DPH6: variants seen among roughly 807,000 people sequenced by gnomAD.
DPH6 encodes diphthine--ammonia ligase.
In DPH6, 33 loss-of-function variants were observed where a neutral mutation model predicts 38.2. The ratio of observed to expected loss-of-function variants is 0.86; its 90% CI spans 0.65 to 1.15. The LOEUF (loss-of-function observed/expected upper bound fraction) is 1.15. DPH6 is among the 50% of genes most tolerant of loss of function. DPH6 has a pLI of 0.00. For missense variants in DPH6, 325 were observed against 320.0 expected, an observed-to-expected ratio of 1.02 and a Z score of -0.12; for synonymous variants, 108 against 103.0, an observed-to-expected ratio of 1.05 and a Z score of -0.30.
chr15:35,542,965 T>TATATATAAATATATATATATAA, intron 1 of DPH6, among the ~76,000 whole-genome samples: 2 of 76,170 alleles, frequency 2.6e-5, no homozygotes, highest in South Asian at 1.2e-3. Context: ...TATATATATA[T>TATATATAAATATATATATATAA]AAAATAATTT....
intron 3 of DPH6, among the ~76,000 whole-genome samples, chr15:35,305,515 G>C (rs948521545): frequency 6.6e-6 from 1 of 151,934 alleles, no homozygotes; most frequent in Non-Finnish European, 1.5e-5. Context: ...AATTTAGGAA[G>C]TTCATAATTG....
chr15:35,152,687 C>T, the DPH6 span, among the ~76,000 whole-genome samples: 23 of 152,132 alleles, frequency 1.5e-4, no homozygotes, highest in East Asian at 9.7e-4. Flanking sequence ...TTAGTAGAGA[C>T]GAGGTTTCAC....
At chr15:35,318,729 A>G (rs1425602096) in intron 3 of DPH6, among the ~76,000 whole-genome samples, 1 of 152,180 alleles carries the variant, frequency 6.6e-6, no homozygotes, top group East Asian at 1.9e-4. Flanking sequence ...CTTCTACTGC[A>G]GAAACTGATC....
Position 35,298,147 on chromosome 15 carries a change from G to T in DPH6, n.200+75374C>A, listed in dbSNP as rs142551819. 1,013 of 387,382 alleles carry T rather than the reference G, an allele frequency of 2.6e-3. 11 individuals carry two copies. Among genetic ancestry groups the T allele is most frequent in the African/African-American group, 0.02 (951 of 47,562 alleles). 24.0% of individuals were successfully genotyped at this position (387,382 alleles called of 1,614,324 possible). Reference sequence around the variant, plus strand: ...CTTACAAGTCCCTCCAAGAGTCTCAGTATGCAACAGTCATGGAGGCTGTGA... The same window carrying T: ...CTTACAAGTCCCTCCAAGAGTCTCATTATGCAACAGTCATGGAGGCTGTGA... On this transcript the variant is annotated intron_variant and non_coding_transcript_variant, in intron 3 of 3. Coordinates refer to the DPH6 transcript ENST00000560386.
At chr15:35,271,240 G>A (rs554730061) in intron 3 of DPH6, among the ~76,000 whole-genome samples, 16 of 150,810 alleles carry the variant, frequency 1.1e-4, no homozygotes, top group Non-Finnish European at 2.4e-4. Context: ...AAAGGTCAAT[G>A]GAGTTAAACA....
chr15:35,265,970 T>C (rs915086719), intron 3 of DPH6, among the ~76,000 whole-genome samples: 1 of 152,196 alleles, frequency 6.6e-6, no homozygotes, highest in African/African-American at 2.4e-5. Context: ...TAGTTTTAAC[T>C]GGTTGAATCT....
rs2055227423 is a variant in DPH6 at position 35,539,928 on chromosome 15, G to A, written c.119-1461C>T. Among the ~76,000 whole-genome samples, 4 of 151,926 alleles carry A rather than the reference G, an allele frequency of 2.6e-5. No homozygotes were observed. The South Asian group carries it at 8.3e-4, about 31-fold the overall frequency. ...TGTTACTATAAATGTTTCCACTCCT[G>A]GTCCCAGTAGGAAGTAGAGAACATA... On this transcript the variant is annotated intron_variant, in intron 2 of 8. Coordinates refer to ENST00000256538, the MANE Select transcript of DPH6 (RefSeq NM_080650.4).
intron 3 of DPH6, among the ~76,000 whole-genome samples, chr15:35,493,002 T>A (rs537466258): frequency 1.3e-5 from 2 of 152,218 alleles, no homozygotes; most frequent in African/African-American, 4.8e-5. Flanking sequence ...TTGATTTTTA[T>A]TGCTATCTTT....
intron 5 of DPH6, among the ~76,000 whole-genome samples, chr15:35,442,365 C>A (rs1229025643): frequency 6.6e-6 from 1 of 152,062 alleles, no homozygotes; most frequent in Non-Finnish European, 1.5e-5. Flanking sequence ...ATAAGAAAGA[C>A]AGAAAATAAT....
intron 3 of DPH6, among the ~76,000 whole-genome samples, chr15:35,274,899 C>A (rs1017959322): frequency 6.6e-6 from 1 of 152,042 alleles, no homozygotes; most frequent in Admixed American, 6.6e-5. Flanking sequence ...TGGGTATATA[C>A]CCAAAGAACT....
the DPH6 span, among the ~76,000 whole-genome samples, chr15:35,212,293 T>G: frequency 6.6e-6 from 1 of 152,154 alleles, no homozygotes; most frequent in Non-Finnish European, 1.5e-5. Context: ...GAGTTTAGAA[T>G]GAAAACTCTT....
the DPH6 span, among the ~76,000 whole-genome samples, chr15:35,159,080 C>T: frequency 1.3e-5 from 2 of 151,996 alleles, no homozygotes; most frequent in Non-Finnish European, 2.9e-5. Context: ...TGTTTCACAC[C>T]CATACCCTTT....
chr15:35,163,096 G>T, the DPH6 span, among the ~76,000 whole-genome samples: 1 of 151,884 alleles, frequency 6.6e-6, no homozygotes, highest in Non-Finnish European at 1.5e-5. Flanking sequence ...GGTGAAAGAC[G>T]TTGGTTCTAC....
intron 5 of DPH6, among the ~76,000 whole-genome samples, chr15:35,422,043 A>G (rs1202413909): frequency 6.6e-6 from 1 of 151,966 alleles, no homozygotes; most frequent in Non-Finnish European, 1.5e-5. Context: ...GGAGACAGAA[A>G]AGGGAATAAT....
At chr15:35,523,240 C>CTTTT (rs35551024) in intron 3 of DPH6, among the ~76,000 whole-genome samples, 2 of 100,100 alleles carry the variant, frequency 2.0e-5, no homozygotes, top group Admixed American at 1.0e-4. Context: ...GTTACACATT[C>CTTTT]TTTTTTTTTT....
At chr15:35,188,989 C>A in the DPH6 span, among the ~76,000 whole-genome samples, 9 of 152,126 alleles carry the variant, frequency 5.9e-5, no homozygotes, top group Non-Finnish European at 1.2e-4. Context: ...TTATTAGTGT[C>A]ATTATTTCGA....
chr15:35,467,745 C>A (rs773517537), intron 3 of DPH6, among the ~76,000 whole-genome samples: 4 of 151,918 alleles, frequency 2.6e-5, no homozygotes, highest in Admixed American at 2.0e-4. Context: ...GGCCTTCTTG[C>A]GGAATACCTT....
the DPH6 span, among the ~76,000 whole-genome samples, chr15:35,173,727 C>G: frequency 6.6e-6 from 1 of 152,150 alleles, no homozygotes; most frequent in African/African-American, 2.4e-5. Context: ...AACAGCAATT[C>G]TTTCAGCTCT....
At chr15:35,466,408 G>A (rs962921705) in intron 3 of DPH6, among the ~76,000 whole-genome samples, 2 of 151,956 alleles carry the variant, frequency 1.3e-5, no homozygotes, top group African/African-American at 4.8e-5. Flanking sequence ...AGTTTGGTAG[G>A]GTTTAACCTG....
Sources: gnomAD v4.1 joint callset for allele counts (sites outside exome capture counted in the v4.1 genomes callset) on GRCh38, gnomAD v4.1.1 for gene constraint, MANE v1.5 for transcripts, NCBI Gene and HGNC (gene_info 2026-07-23, HGNC 2026-07-21) for gene names.